KCNH1: variants seen among roughly 807,000 people sequenced by gnomAD.
The protein encoded by KCNH1 is voltage-gated delayed rectifier potassium channel KCNH1.
In KCNH1, 27 loss-of-function variants were observed where a neutral mutation model predicts 69.2. The observed-to-expected ratio is 0.39, with a 90% CI of 0.29 to 0.54. KCNH1 has a LOEUF of 0.54. KCNH1 is among the 20% of genes least tolerant of loss of function. KCNH1 has a pLI of 0.68. For synonymous variants in KCNH1, 456 were observed against 487.7 expected, an observed-to-expected ratio of 0.93 and a Z score of 0.86; for missense variants, 798 against 1,261.6, an observed-to-expected ratio of 0.63 and a Z score of 5.57.
At chr1:211,069,411 C>G (rs1690593894) in intron 5 of KCNH1, among the ~76,000 whole-genome samples, 1 of 151,942 alleles carries the variant, frequency 6.6e-6, no homozygotes, top group South Asian at 2.1e-4. Context: ...GAGTAAGCAT[C>G]AGAACCAGAC....
At chr1:211,014,666 C>T (rs1689459524) in intron 6 of KCNH1, among the ~76,000 whole-genome samples, 1 of 152,188 alleles carries the variant, frequency 6.6e-6, no homozygotes. Context: ...GCAAAGCCAA[C>T]ACAGCTCACG....
intron 5 of KCNH1, among the ~76,000 whole-genome samples, chr1:211,081,508 C>T (rs1030936250): frequency 6.6e-6 from 1 of 152,210 alleles, no homozygotes; most frequent in Admixed American, 6.5e-5. Flanking sequence ...ACTATAAAGA[C>T]ACATGCACAC....
chr1:210,914,285 G>A (rs1687293647), intron 7 of KCNH1, among the ~76,000 whole-genome samples: 2 of 152,290 alleles, frequency 1.3e-5, no homozygotes, highest in South Asian at 2.1e-4. Flanking sequence ...AGCCCACTAT[G>A]TGTTGGAAGT....
chr1:210,695,817 A>G (rs1032592404), intron 10 of KCNH1, among the ~76,000 whole-genome samples: 3 of 152,214 alleles, frequency 2.0e-5, no homozygotes, highest in Non-Finnish European at 4.4e-5. Context: ...TGTATTGCCA[A>G]TTAGCACCAA....
chr1:211,078,025 C>A (rs539549419), intron 5 of KCNH1, among the ~76,000 whole-genome samples: 1 of 151,858 alleles, frequency 6.6e-6, no homozygotes, highest in South Asian at 2.1e-4. Flanking sequence ...ACAAAGAAGG[C>A]CATTACATAA....
rs564532169 is a variant in KCNH1 at position 211,070,961 on chromosome 1, T to C, written c.558+11819A>G. Among the ~76,000 whole-genome samples the C allele has an allele frequency of 3.3e-5, 5 of 152,250 alleles. No homozygotes were observed. In the South Asian group the frequency reaches 1.0e-3, roughly 32 times the overall value. ...GTCAAATCTACATATAACTTTTGAC[T>C]CTAAAAATTTACTAATAGCCTACTA... On this transcript the variant is annotated intron_variant, in intron 5 of 10. Transcript: ENST00000271751.
At chr1:210,923,886 C>T (rs200043564) in intron 6 of KCNH1, among the ~76,000 whole-genome samples, 1 of 152,132 alleles carries the variant, frequency 6.6e-6, no homozygotes, top group African/African-American at 2.4e-5. Flanking sequence ...CAGAATGTGA[C>T]CTCATTTGGA....
At chr1:210,908,666 C>G (rs895647919) in intron 7 of KCNH1, among the ~76,000 whole-genome samples, 1 of 152,314 alleles carries the variant, frequency 6.6e-6, no homozygotes, top group Middle Eastern at 3.4e-3. Flanking sequence ...CCAATGGGTG[C>G]ATTCTAACTT....
intron 5 of KCNH1, among the ~76,000 whole-genome samples, chr1:211,020,228 A>G (rs868593454): frequency 1.3e-5 from 2 of 151,996 alleles, no homozygotes. Flanking sequence ...TTAAAAACAT[A>G]ATTTTAAAAA....
rs557989078 is a variant in KCNH1 at position 210,744,673 on chromosome 1, A to C, written c.2112+30675T>G. On this transcript the variant is annotated intron_variant, in intron 10 of 10. Coordinates refer to ENST00000271751, the MANE Select transcript of KCNH1 (RefSeq NM_172362.3). Reference sequence around the variant, plus strand: ...ACAAAAACAAAACAAAACAAAAAAAACCCCACAGGTTGTTGGGCCTTACCC... The same window carrying C: ...ACAAAAACAAAACAAAACAAAAAAACCCCCACAGGTTGTTGGGCCTTACCC... Among the ~76,000 whole-genome samples, 20 of 151,958 alleles carry C rather than the reference A, an allele frequency of 1.3e-4. No homozygotes were observed. The South Asian group carries it at 3.7e-3, about 28-fold the overall frequency.
At position 211,001,851 on chromosome 1, in the gene KCNH1, A is replaced by G. The variant is rs190121861; in HGVS notation, c.1032+16932T>C. On this transcript the variant is annotated intron_variant, in intron 6 of 10. Transcript: ENST00000271751. ...ATGCAGCCATAAAAAGGATGAGTTCATGTCCTTTGTAGGGACATGGATGAA... is the reference window on the plus strand; with the variant it reads ...ATGCAGCCATAAAAAGGATGAGTTCGTGTCCTTTGTAGGGACATGGATGAA... Among the ~76,000 whole-genome samples the G allele has an allele frequency of 1.8e-3, 263 of 150,172 alleles. 2 individuals are homozygous for G. Among genetic ancestry groups the G allele is most frequent in the African/African-American group, 6.4e-3 (254 of 39,962 alleles).
intron 5 of KCNH1, among the ~76,000 whole-genome samples, chr1:211,035,993 T>TCTAG (rs908991903): frequency 1.3e-5 from 2 of 152,192 alleles, no homozygotes; most frequent in Admixed American, 6.5e-5. Flanking sequence ...AGGCGCTTGG[T>TCTAG]CTAGGTTCCA....
intron 6 of KCNH1, among the ~76,000 whole-genome samples, chr1:210,922,147 C>T (rs1201499719): frequency 2.6e-5 from 4 of 151,580 alleles, no homozygotes; most frequent in African/African-American, 7.3e-5. Context: ...TTTGGGAGGC[C>T]GAGGCGGGCA....
At chr1:210,894,968 A>G (rs1455734439) in intron 7 of KCNH1, among the ~76,000 whole-genome samples, 2 of 152,132 alleles carry the variant, frequency 1.3e-5, no homozygotes, top group South Asian at 2.1e-4. Context: ...TCTCAGTTCC[A>G]TTTCCTCAGA....
Position 210,691,355 on chromosome 1 carries a change from G to A in KCNH1, c.2113-7217C>T, listed in dbSNP as rs565883568. Reference sequence around the variant, plus strand: ...GATGGAGAGCTCTAATGTGCCAGGCGCTGTGTTAAATGTTGGACCTGTGCC... The same window carrying A: ...GATGGAGAGCTCTAATGTGCCAGGCACTGTGTTAAATGTTGGACCTGTGCC... On this transcript the variant is annotated intron_variant, in intron 10 of 10. Coordinates refer to ENST00000271751, the MANE Select transcript of KCNH1 (RefSeq NM_172362.3). 9.2e-5 allele frequency among the ~76,000 whole-genome samples: 14 copies of A among 152,318 alleles called. 1 individual carries two copies. The South Asian group carries it at 1.2e-3, about 14-fold the overall frequency.
At chr1:211,066,275 T>A (rs1690529451) in intron 5 of KCNH1, among the ~76,000 whole-genome samples, 1 of 152,290 alleles carries the variant, frequency 6.6e-6, no homozygotes, top group Admixed American at 6.5e-5. Context: ...AAATCTAATA[T>A]TAAACTAATA....
At chr1:210,831,631 C>T (rs958232385) in intron 7 of KCNH1, among the ~76,000 whole-genome samples, 3 of 152,154 alleles carry the variant, frequency 2.0e-5, no homozygotes, top group African/African-American at 7.2e-5. Context: ...CCTCATACTT[C>T]CTCCTACAGC....
At chr1:211,124,612 T>C (rs1004377370) in intron 1 of KCNH1, among the ~76,000 whole-genome samples, 2 of 151,614 alleles carry the variant, frequency 1.3e-5, no homozygotes, top group Non-Finnish European at 2.9e-5. Flanking sequence ...CAAGACTCGG[T>C]CAAAAGAAAG....
At chr1:211,040,628 C>A (rs1689978766) in intron 5 of KCNH1, among the ~76,000 whole-genome samples, 1 of 152,168 alleles carries the variant, frequency 6.6e-6, no homozygotes, top group African/African-American at 2.4e-5. Flanking sequence ...AACAGACTAA[C>A]ACACCTTGAA....
Sources: gnomAD v4.1 joint callset for allele counts (sites outside exome capture counted in the v4.1 genomes callset) on GRCh38, gnomAD v4.1.1 for gene constraint, MANE v1.5 for transcripts, NCBI Gene and HGNC (gene_info 2026-07-23, HGNC 2026-07-21) for gene names.